The following AP3B2 variants were observed in gnomAD, a reference collection of about 807,000 sequenced individuals.
The protein encoded by AP3B2 is AP-3 complex subunit beta-2.
A neutral mutation model predicts 126.9 loss-of-function variants in AP3B2; 50 were observed. That is an observed-to-expected ratio of 0.39 (90% CI 0.31 to 0.50). The LOEUF (loss-of-function observed/expected upper bound fraction) is 0.50. Ranked by LOEUF, AP3B2 falls within the 20% of genes least tolerant of loss-of-function variation. AP3B2 has a pLI of 0.79. For missense variants in AP3B2, 1,177 were observed against 1,426.4 expected (o/e 0.83, Z 2.82); for synonymous variants, 541 against 565.0 (o/e 0.96, Z 0.60).
Position 82,670,112 on chromosome 15 carries a change from T to TGGGGG in AP3B2, c.1666-3180_1666-3179insCCCCC, listed in dbSNP as rs1465209530. 4.5e-4 allele frequency among the ~76,000 whole-genome samples: 31 copies of TGGGGG among 68,914 alleles called. 2 individuals carry two copies. Among genetic ancestry groups the TGGGGG allele is most frequent in the Non-Finnish European group, 6.3e-4 (21 of 33,510 alleles). 45.2% of individuals were successfully genotyped at this position (68,914 alleles called of 152,430 possible). On this transcript the variant is annotated intron_variant, in intron 14 of 26. Transcript: ENST00000535359. ...AAAAAATCAGTGGCTTTTTTTTTTTTGGCGGGGGGGGACGAAGATGAAGTC... is the reference window on the plus strand; with the variant it reads ...AAAAAATCAGTGGCTTTTTTTTTTTTGGGGGGGCGGGGGGGGACGAAGATGAAGTC...
Position 82,680,164 on chromosome 15 carries a change from C to T in AP3B2, c.1110+11G>A, listed in dbSNP as rs765961276. ...TCGGACAGCGAGGACAGCCCGCCGTCGCAGGCTCACCCGGCGCTTGATGGA... is the reference window on the plus strand; with the variant it reads ...TCGGACAGCGAGGACAGCCCGCCGTTGCAGGCTCACCCGGCGCTTGATGGA... On this transcript the variant is annotated intron_variant, in intron 9 of 26. Transcript: ENST00000535359. The surrounding 1 kb of genome is among the most constrained non-coding windows in gnomAD (Gnocchi z 6.1). 9 of 1,613,128 alleles carry T rather than the reference C, an allele frequency of 5.6e-6. No homozygotes were observed. In the South Asian group the frequency reaches 7.7e-5, roughly 14 times the overall value.
chr15:82,662,757 C>T lies in AP3B2; in HGVS notation c.2770G>A (p.Gly924Ser). ...AGTTTGGGAGTGCCCACATGCAGGCCCTTGATGGGGGTATCAGAGCTGTTG... is the reference window on the plus strand; with the variant it reads ...AGTTTGGGAGTGCCCACATGCAGGCTCTTGATGGGGGTATCAGAGCTGTTG... The part of the protein sequence containing the change: ...FSNSSDTPIK[G>S]LHVGTPKLPA... The change falls in exon 23 of 27, where the codon GGC (glycine) becomes AGC (serine). Residue 924 changes from glycine to serine, a missense_variant. Transcript: ENST00000535359. 8 of 1,613,860 alleles carry T rather than the reference C, an allele frequency of 5.0e-6. No homozygotes were observed. The highest frequency in any genetic ancestry group is 5.9e-6 in the Non-Finnish European group (7 of 1,179,846).
intron 1 of AP3B2, chr15:82,692,321 C>A: frequency 1.7e-6 from 1 of 592,708 alleles, no homozygotes; most frequent in Non-Finnish European, 2.9e-6. Flanking sequence ...CGTTGGAAGG[C>A]TCACCACGCA....
chr15:82,679,649 G>A (rs974521104), intron 10 of AP3B2, 80 bp downstream of exon 10: 1 of 1,326,134 alleles, frequency 7.5e-7, no homozygotes, highest in African/African-American at 1.5e-5. Flanking sequence ...CAGGCACCAG[G>A]GGGGCCACTG....
At chr15:82,662,481 C>A in intron 23 of AP3B2, 2 of 658,030 alleles carry the variant, frequency 3.0e-6, no homozygotes, top group Non-Finnish European at 5.2e-6. Context: ...ACAACCAAGG[C>A]CCAAATCTGC....
intron 14 of AP3B2, among the ~76,000 whole-genome samples, chr15:82,671,144 G>A (rs931669934): frequency 1.6e-4 from 25 of 152,230 alleles, no homozygotes; most frequent in East Asian, 1.9e-4. Flanking sequence ...TTAACGGGGC[G>A]TGGTGACGCA....
intron 1 of AP3B2, among the ~76,000 whole-genome samples, chr15:82,697,288 C>T (rs1255909161): frequency 2.0e-5 from 3 of 151,824 alleles, no homozygotes; most frequent in Admixed American, 6.6e-5. Flanking sequence ...GAGCCAAGAT[C>T]GCGCCACTGC....
intron 1 of AP3B2, among the ~76,000 whole-genome samples, chr15:82,695,171 C>G (rs1352385937): frequency 2.7e-5 from 4 of 149,958 alleles, no homozygotes; most frequent in Admixed American, 2.0e-4. Flanking sequence ...GCAATCTCGG[C>G]TCACTGCAGC....
At chr15:82,705,247 C>G (rs867018085) in intron 1 of AP3B2, among the ~76,000 whole-genome samples, 7 of 152,254 alleles carry the variant, frequency 4.6e-5, no homozygotes, top group Admixed American at 3.3e-4. Context: ...TCCCATCCCC[C>G]AGCAGGCTTT....
chr15:82,688,252 G>A (rs1468649397), intron 4 of AP3B2: 1 of 593,038 alleles, frequency 1.7e-6, no homozygotes, highest in Non-Finnish European at 3.0e-6. Flanking sequence ...CCCTTAGGGG[G>A]GAGACTTATA....
chr15:82,700,397 C>CTTTT lies in AP3B2; in HGVS notation c.113+9193_113+9196dup, dbSNP rs1226910164. Reference sequence around the variant, plus strand: ...CCACTGGCCTGCCAGTGGTGGGTGGCTTTTTTTTTTTTTTTTTTCAGATGG... The same window carrying CTTTT: ...CCACTGGCCTGCCAGTGGTGGGTGGCTTTTTTTTTTTTTTTTTTTTTTCAGATGG... On this transcript the variant is annotated intron_variant, in intron 1 of 26. Transcript: ENST00000535359. 1.6e-3 allele frequency among the ~76,000 whole-genome samples: 57 copies of CTTTT among 35,094 alleles called. 15 individuals carry two copies. The South Asian group carries it at 0.022, about 14-fold the overall frequency. 23.0% of individuals were successfully genotyped at this position (35,094 alleles called of 152,430 possible).
At chr15:82,667,840 G>A (rs1296916892) in intron 14 of AP3B2, among the ~76,000 whole-genome samples, 2 of 152,166 alleles carry the variant, frequency 1.3e-5, no homozygotes, top group Non-Finnish European at 2.9e-5. Flanking sequence ...ATCTGCTGGA[G>A]CTGCACCCCA....
chr15:82,680,313 G>T lies in AP3B2; in HGVS notation c.1056-84C>A, dbSNP rs2048314061. 3.8e-6 allele frequency: 6 copies of T among 1,588,908 alleles called. No individual in the cohort carries two copies. Among genetic ancestry groups the T allele is most frequent in the Admixed American group, 1.7e-5 (1 of 57,732 alleles). On this transcript the variant is annotated intron_variant, in intron 8 of 26. Transcript: ENST00000535359. This position sits in a 1 kb window ranked among gnomAD's most constrained non-coding sequence, Gnocchi z 6.1. The stretch of plus-strand genomic sequence containing the variant: ...ATGAGGGGAAAAGGTGGGGCAAGTC[G>T]TTGCGGGGAGAGGACCAGTGCGGAG...
intron 9 of AP3B2, 50 bp from the exon 10 acceptor site, chr15:82,679,850 C>G (rs1567265165): frequency 6.4e-7 from 1 of 1,552,004 alleles, no homozygotes; most frequent in African/African-American, 1.4e-5. Context: ...CCAGGCCTGC[C>G]TCGCTGCCCA....
chr15:82,704,642 C>A (rs1397103507), intron 1 of AP3B2, among the ~76,000 whole-genome samples: 2 of 152,256 alleles, frequency 1.3e-5, no homozygotes, highest in South Asian at 2.1e-4. Flanking sequence ...ACTCACCTGG[C>A]AGCCACTCCC....
chr15:82,688,225 T>C (rs1300465779), intron 4 of AP3B2: 2 of 574,552 alleles, frequency 3.5e-6, no homozygotes, highest in Admixed American at 3.0e-5. Context: ...CAAGATGTCT[T>C]AGACTAACCA....
chr15:82,665,337 G>C lies in AP3B2; in HGVS notation c.1972-34C>G. On this transcript the variant is annotated intron_variant, in intron 16 of 26. Transcript: ENST00000535359. The surrounding 1 kb of genome is among the most constrained non-coding windows in gnomAD (Gnocchi z 4.4). Reference sequence around the variant, plus strand: ...GTGGGGGAGGGTGTTAGGAGGGCTGGGCCGGCACTGCCAGGGCTCCCTACT... The same window carrying C: ...GTGGGGGAGGGTGTTAGGAGGGCTGCGCCGGCACTGCCAGGGCTCCCTACT... 6.3e-7 allele frequency: 1 copy of C among 1,585,522 alleles called. No homozygotes were observed. Among genetic ancestry groups the C allele is most frequent in the South Asian group, 1.1e-5 (1 of 89,786 alleles).
At position 82,661,857 on chromosome 15, in the gene AP3B2, A is replaced by ATTC. The variant is rs1300964350; in HGVS notation, c.2983_2984insGAA (p.Phe995delinsTer). ...CTTCTTAAACTCATTTTCACTCATGAACACAGGGGCCATCAGCTCCCCAAC... is the reference window on the plus strand; with the variant it reads ...CTTCTTAAACTCATTTTCACTCATGATTCACACAGGGGCCATCAGCTCCCCAAC... On this transcript the variant is annotated stop_gained, in exon 25 of 27. Coordinates refer to ENST00000535359, the MANE Select transcript of AP3B2 (RefSeq NM_001278512.2). LOFTEE classifies it high-confidence loss of function. 6.2e-7 allele frequency: 1 copy of ATTC among 1,613,644 alleles called. No homozygotes were observed. The highest frequency in any genetic ancestry group is 8.5e-7 in the Non-Finnish European group (1 of 1,179,834).
rs767318710 is a variant in AP3B2, at chr15:82,666,853, G to A, written c.1746C>T (p.Thr582=). ...NYDIRDRARF[T]RQLIVPSEQG... is the part of the protein sequence containing the mutation. Reference sequence around the variant, plus strand: ...GCTCGGAAGGGACGATGAGCTGCCGGGTGAAGCGCGCCCGGTCGCGAATAT... The same window carrying A: ...GCTCGGAAGGGACGATGAGCTGCCGAGTGAAGCGCGCCCGGTCGCGAATAT... The change falls in exon 15 of 27, where the codon ACC becomes ACT. Residue 582 remains threonine (T), a synonymous_variant. Transcript: ENST00000535359. 26 of 1,614,012 alleles carry A rather than the reference G, an allele frequency of 1.6e-5. No individual in the cohort carries two copies. The South Asian group carries it at 2.9e-4, about 18-fold the overall frequency.
Sources: gnomAD v4.1 joint callset for allele counts (sites outside exome capture counted in the v4.1 genomes callset) on GRCh38, gnomAD v4.1.1 for gene constraint, Gnocchi (gnomAD v3.1) non-coding constraint, MANE v1.5 for transcripts, NCBI Gene and HGNC (gene_info 2026-07-23, HGNC 2026-07-21) for gene names.